TTBK2: variants seen among roughly 807,000 people sequenced by gnomAD.
The protein encoded by TTBK2 is tau tubulin kinase 2, also known as tau-tubulin kinase 2.
TTBK2 carries 28 observed loss-of-function variants against 110.8 expected under a neutral mutation model. The observed-to-expected ratio is 0.25, with a 90% CI of 0.19 to 0.35. The LOEUF (loss-of-function observed/expected upper bound fraction) is 0.35, where lower values mean the gene tolerates loss of function less well. Among genes scored for constraint, TTBK2 ranks in the 10% least tolerant of loss-of-function variants. The pLI is 1.00. For missense variants in TTBK2, 1,369 were observed against 1,500.3 expected (o/e 0.91, Z 1.45); for synonymous variants, 532 against 527.3 (o/e 1.01, Z -0.12).
At chr15:42,838,157 G>A (rs1352967168) in intron 4 of TTBK2, among the ~76,000 whole-genome samples, 1 of 151,974 alleles carries the variant, frequency 6.6e-6, no homozygotes, top group Non-Finnish European at 1.5e-5. Context: ...GCAGTGAGCC[G>A]AGATCGCGCC....
At chr15:42,815,954 A>ATATATATATATATATATT (rs1393860735) in intron 7 of TTBK2, among the ~76,000 whole-genome samples, 1 of 53,388 alleles carries the variant, frequency 1.9e-5, no homozygotes, top group Non-Finnish European at 3.2e-5. Flanking sequence ...ATATTTAAAA[A>ATATATATATATATATATT]AAAAATATAT....
chr15:42,859,458 A>T (rs1454023299), intron 3 of TTBK2, among the ~76,000 whole-genome samples: 2 of 152,122 alleles, frequency 1.3e-5, no homozygotes, highest in African/African-American at 4.8e-5. Context: ...GGAAATACCC[A>T]AATGCAACCC....
chr15:42,867,905 G>GGA (rs1894444402), intron 3 of TTBK2, among the ~76,000 whole-genome samples: 1 of 152,150 alleles, frequency 6.6e-6, no homozygotes, highest in Non-Finnish European at 1.5e-5. Flanking sequence ...CCCTCAGTAG[G>GGA]TGAATGGATA....
intron 6 of TTBK2, among the ~76,000 whole-genome samples, chr15:42,818,627 G>A (rs1285060214): frequency 2.0e-5 from 3 of 152,098 alleles, no homozygotes; most frequent in Non-Finnish European, 4.4e-5. Context: ...GGCAGAGGCA[G>A]GAGAATGGCG....
chr15:42,879,271 T>C (rs1596015343), intron 1 of TTBK2, among the ~76,000 whole-genome samples: 1 of 152,062 alleles, frequency 6.6e-6, no homozygotes, highest in Non-Finnish European at 1.5e-5. Flanking sequence ...CTGTAACCAG[T>C]CCAGGAATGA....
chr15:42,895,337 TC>T (rs2141174531), intron 1 of TTBK2, among the ~76,000 whole-genome samples: 1 of 152,006 alleles, frequency 6.6e-6, no homozygotes, highest in South Asian at 2.1e-4. Context: ...AGAAAAACAG[TC>T]CATTGAGGGT....
At chr15:42,818,164 T>C (rs938018811) in intron 6 of TTBK2, among the ~76,000 whole-genome samples, 1 of 152,158 alleles carries the variant, frequency 6.6e-6, no homozygotes, top group African/African-American at 2.4e-5. Context: ...CAGCCTCAAA[T>C]TCCTGGGCTC....
At chr15:42,857,962 C>T (rs540006243) in intron 3 of TTBK2, among the ~76,000 whole-genome samples, 94 of 151,920 alleles carry the variant, frequency 6.2e-4, no homozygotes, top group African/African-American at 2.2e-3. Context: ...ACATGCCTGT[C>T]GTCCCAGCTA....
chr15:42,873,448 C>CA (rs1894692497), intron 2 of TTBK2, among the ~76,000 whole-genome samples: 3 of 151,782 alleles, frequency 2.0e-5, no homozygotes, highest in Admixed American at 2.0e-4. Flanking sequence ...ACGAAAAAAA[C>CA]AAAAAACACT....
chr15:42,803,407 T>C (rs1018766093), intron 9 of TTBK2, among the ~76,000 whole-genome samples: 2 of 152,192 alleles, frequency 1.3e-5, no homozygotes, highest in African/African-American at 4.8e-5. Context: ...TGAAATATCA[T>C]TATGTGGCAC....
At chr15:42,834,106 C>T (rs985457268) in intron 4 of TTBK2, among the ~76,000 whole-genome samples, 22 of 147,376 alleles carry the variant, frequency 1.5e-4, no homozygotes, top group African/African-American at 4.5e-4. Context: ...GTAAGAGGAT[C>T]ACTTGACCCC....
intron 13 of TTBK2, 64 bp downstream of exon 13, chr15:42,775,071 T>TA: frequency 5.2e-6 from 8 of 1,545,002 alleles, no homozygotes; most frequent in Non-Finnish European, 6.2e-6. Flanking sequence ...GATCAACTGT[T>TA]AGTCCTTTCT....
chr15:42,796,166 G>A (rs1197960468), intron 9 of TTBK2, among the ~76,000 whole-genome samples: 1 of 152,156 alleles, frequency 6.6e-6, no homozygotes, highest in Non-Finnish European at 1.5e-5. Flanking sequence ...CACTTTGGGA[G>A]GCTGAGGTGG....
intron 4 of TTBK2, 116 bp from the exon 5 acceptor site, chr15:42,830,194 T>A: frequency 7.3e-7 from 1 of 1,377,756 alleles, no homozygotes. Flanking sequence ...GCAAGAATTT[T>A]TTTTTTTTTT....
chr15:42,791,148 T>A (rs1890661797), intron 10 of TTBK2, among the ~76,000 whole-genome samples: 1 of 152,158 alleles, frequency 6.6e-6, no homozygotes, highest in Non-Finnish European at 1.5e-5. Flanking sequence ...CCTCCCAAAG[T>A]GCTGGGATTA....
chr15:42,762,707 G>A (rs1033967568), intron 13 of TTBK2, among the ~76,000 whole-genome samples: 1 of 152,108 alleles, frequency 6.6e-6, no homozygotes, highest in East Asian at 1.9e-4. Context: ...GACAGAGTGA[G>A]ATGCTGTCTC....
intron 13 of TTBK2, among the ~76,000 whole-genome samples, chr15:42,761,970 T>C (rs1271165619): frequency 1.3e-5 from 2 of 152,198 alleles, no homozygotes; most frequent in Admixed American, 6.5e-5. Flanking sequence ...GTTCTCGTGA[T>C]AGTGAGTAAG....
At chr15:42,827,079 T>C (rs1567046451) in intron 6 of TTBK2, among the ~76,000 whole-genome samples, 1 of 152,134 alleles carries the variant, frequency 6.6e-6, no homozygotes, top group African/African-American at 2.4e-5. Context: ...TTGCAATTAG[T>C]GAAGTTCAAC....
At chr15:42,830,250 C>T (rs1434613731) in intron 4 of TTBK2, among the ~76,000 whole-genome samples, 172 bp from the exon 5 acceptor site, 3 of 151,360 alleles carry the variant, frequency 2.0e-5, no homozygotes, top group Non-Finnish European at 4.4e-5. Flanking sequence ...TGCAATGGTG[C>T]GATGTCGGCT....
Sources: allele counts gnomAD v4.1 joint callset (sites outside exome capture counted in the v4.1 genomes callset), GRCh38; gene constraint gnomAD v4.1.1; transcripts MANE v1.5; gene names NCBI Gene and HGNC (gene_info 2026-07-23, HGNC 2026-07-21).